Variants in WDR27 observed in about 807,000 individuals in gnomAD.
WDR27 encodes WD repeat domain 27.
WDR27 carries 100 observed loss-of-function variants against 114.4 expected under a neutral mutation model. The observed-to-expected ratio is 0.87, with a 90% CI of 0.74 to 1.03. The LOEUF is 1.03. WDR27 is among the 50% of genes least tolerant of loss of function. WDR27 has a pLI of 0.00. For missense variants in WDR27, 1,129 were observed against 1,092.9 expected (o/e 1.03, Z -0.47); for synonymous variants, 449 against 423.1 (o/e 1.06, Z -0.75).
At chr6:169,495,265 AGC>A (rs1172773039) in intron 25 of WDR27, among the ~76,000 whole-genome samples, 2 of 152,068 alleles carry the variant, frequency 1.3e-5, no homozygotes, top group Admixed American at 6.5e-5. Context: ...TATTTCTTGT[AGC>A]GTTTCCTAAT....
chr6:169,613,947 T>C (rs561565332), intron 21 of WDR27, among the ~76,000 whole-genome samples: 6 of 152,260 alleles, frequency 3.9e-5, no homozygotes, highest in Admixed American at 2.0e-4. Context: ...TACACCAAAA[T>C]TCATGTTTAC....
chr6:169,521,767 C>T lies in WDR27; in HGVS notation c.2645+50652G>A, dbSNP rs188628090. On this transcript the variant is annotated intron_variant, in intron 25 of 25. Coordinates refer to ENST00000448612, the MANE Select transcript of WDR27 (RefSeq NM_182552.5). ...TATTATATCTATGTGTTTTGTAAGC[C>T]TCATAGTAACCACAATGCAAAAACC... Among the ~76,000 whole-genome samples the T allele has an allele frequency of 7.9e-5, 12 of 151,700 alleles. No individual in the cohort carries two copies. In the East Asian group the frequency reaches 2.3e-3, roughly 29 times the overall value.
chr6:169,674,144 T>G (rs913790914), intron 2 of WDR27, among the ~76,000 whole-genome samples: 1 of 152,138 alleles, frequency 6.6e-6, no homozygotes, highest in Admixed American at 6.5e-5. Context: ...GCTATACTTT[T>G]TTTTCATATA....
rs116822367 is a variant in WDR27 at position 169,667,179 on chromosome 6, G to T, written c.669C>A (p.Asp223Glu). 6.6e-7 allele frequency: 1 copy of T among 1,521,092 alleles called. No homozygotes were observed. The highest frequency in any genetic ancestry group is 8.8e-7 in the Non-Finnish European group (1 of 1,136,966). The allele number at this position is 1,521,092 out of a possible 1,614,324, so 94.2% of individuals were successfully genotyped here. A position where few individuals can be genotyped will look rare whatever the true frequency, so the allele number is the denominator to read the frequency against. The change falls in exon 6 of 26, where the codon GAC (aspartate) becomes GAA (glutamate). Residue 223 changes from aspartate to glutamate, a missense_variant. Asp to Glu is a conservative substitution (Grantham distance 45). Coordinates refer to ENST00000448612, the MANE Select transcript of WDR27 (RefSeq NM_182552.5). ...ASEDRGFKVW[D>E]HCTGSLIYSS... ...TGTATATTAATGATCCTGTACAATG[G>T]TCCCAGACCTTTGGATAAACACAGG... is the stretch of plus-strand genomic sequence containing the variant.
intron 25 of WDR27, among the ~76,000 whole-genome samples, chr6:169,562,296 G>C (rs1250482952): frequency 2.0e-5 from 3 of 152,156 alleles, no homozygotes; most frequent in African/African-American, 7.2e-5. Flanking sequence ...GCCATGCAAA[G>C]TATTTCCTCT....
intron 25 of WDR27, among the ~76,000 whole-genome samples, chr6:169,544,779 C>T (rs761179965): frequency 1.3e-5 from 2 of 152,086 alleles, no homozygotes; most frequent in Non-Finnish European, 2.9e-5. Flanking sequence ...CATGTGGAAA[C>T]CAACTTTTAA....
rs547582539 is a variant in WDR27, at chr6:169,622,398, C to T, written c.2224-8742G>A. Among the ~76,000 whole-genome samples the T allele has an allele frequency of 5.9e-5, 9 of 152,232 alleles. No homozygotes were observed. In the East Asian group the frequency reaches 1.5e-3, roughly 26 times the overall value. ...CTCAGATGTTCAGGGTTCACACACA[C>T]GCACATACAAACCAAATTTAAGGTG... is the stretch of plus-strand genomic sequence containing the variant. On this transcript the variant is annotated intron_variant, in intron 21 of 25. Coordinates refer to ENST00000448612, the MANE Select transcript of WDR27 (RefSeq NM_182552.5).
chr6:169,429,680 C>A, the WDR27 span, among the ~76,000 whole-genome samples: 1 of 152,282 alleles, frequency 6.6e-6, no homozygotes, highest in South Asian at 2.1e-4. Flanking sequence ...TGGGAGCAGG[C>A]ATTTCAACTT....
At chr6:169,699,719 C>T (rs867987009) in intron 1 of WDR27, among the ~76,000 whole-genome samples, 1 of 152,164 alleles carries the variant, frequency 6.6e-6, no homozygotes, top group South Asian at 2.1e-4. Flanking sequence ...CAGTGGCTCA[C>T]ATCTGCAATC....
At chr6:169,520,864 G>A (rs1794296606) in intron 25 of WDR27, among the ~76,000 whole-genome samples, 1 of 152,036 alleles carries the variant, frequency 6.6e-6, no homozygotes, top group Non-Finnish European at 1.5e-5. Flanking sequence ...GAAAAGCAAT[G>A]AAGAATGCCT....
intron 23 of WDR27, among the ~76,000 whole-genome samples, chr6:169,600,153 A>G (rs1807665246): frequency 6.6e-6 from 1 of 152,084 alleles, no homozygotes; most frequent in Non-Finnish European, 1.5e-5. Context: ...CTGCTCTTTT[A>G]CATTTGCTGA....
At chr6:169,520,200 C>T (rs1202931551) in intron 25 of WDR27, among the ~76,000 whole-genome samples, 1 of 152,150 alleles carries the variant, frequency 6.6e-6, no homozygotes, top group South Asian at 2.1e-4. Context: ...CCATTACTCC[C>T]CAGGGCATGA....
chr6:169,655,791 C>A (rs1411787259), intron 13 of WDR27, among the ~76,000 whole-genome samples: 1 of 152,192 alleles, frequency 6.6e-6, no homozygotes, highest in Non-Finnish European at 1.5e-5. Flanking sequence ...ACGATCTCAG[C>A]TCACTGCAAC....
chr6:169,607,436 A>G (rs1222431497), intron 22 of WDR27, among the ~76,000 whole-genome samples: 1 of 148,394 alleles, frequency 6.7e-6, no homozygotes, highest in Non-Finnish European at 1.5e-5. Context: ...ATAATATAAT[A>G]TTATTCAGCC....
At chr6:169,616,228 C>A (rs1357865448) in intron 21 of WDR27, among the ~76,000 whole-genome samples, 2 of 152,132 alleles carry the variant, frequency 1.3e-5, no homozygotes, top group Non-Finnish European at 2.9e-5. Context: ...CAGTGGCTCA[C>A]ACCTGTAATC....
intron 17 of WDR27, among the ~76,000 whole-genome samples, chr6:169,639,387 T>A (rs769689629): frequency 3.3e-5 from 5 of 152,124 alleles, no homozygotes; most frequent in Non-Finnish European, 7.3e-5. Context: ...TAACATTTAG[T>A]ATTATGAACT....
intron 25 of WDR27, among the ~76,000 whole-genome samples, chr6:169,568,815 A>G (rs564592481): frequency 9.9e-5 from 15 of 152,222 alleles, no homozygotes; most frequent in African/African-American, 3.6e-4. Flanking sequence ...AAAGATTTCA[A>G]ATCTTAGAAG....
intron 20 of WDR27, 48 bp downstream of exon 20, chr6:169,634,380 A>G: frequency 2.1e-6 from 3 of 1,411,040 alleles, no homozygotes; most frequent in Non-Finnish European, 3.0e-6. Flanking sequence ...TGCCAGAGGA[A>G]CAACACTCAG....
chr6:169,638,212 A>T (rs1465501892), intron 18 of WDR27, among the ~76,000 whole-genome samples: 2 of 117,192 alleles, frequency 1.7e-5, no homozygotes, highest in Non-Finnish European at 3.3e-5. Flanking sequence ...GCTACTCGGG[A>T]GGCTGAGGCA....
Sources: allele counts gnomAD v4.1 joint callset (sites outside exome capture counted in the v4.1 genomes callset), GRCh38; gene constraint gnomAD v4.1.1; transcripts MANE v1.5; gene names NCBI Gene and HGNC (gene_info 2026-07-23, HGNC 2026-07-21).